Variants in KCNB2 observed in about 807,000 individuals in gnomAD.
The protein encoded by KCNB2 is potassium voltage-gated channel subfamily B member 2.
Under a neutral mutation model 61.5 loss-of-function variants are expected in KCNB2, and 15 were observed. The ratio of observed to expected loss-of-function variants is 0.24; its 90% CI spans 0.16 to 0.38. The LOEUF (loss-of-function observed/expected upper bound fraction) is 0.38. Ranked by LOEUF, KCNB2 falls within the 10% of genes least tolerant of loss-of-function variation. The probability of loss-of-function intolerance (pLI) is 1.00; values close to 1 mark genes in which losing one functional copy is unlikely to be tolerated. For synonymous variants in KCNB2, 457 were observed against 446.0 expected (o/e 1.02, Z -0.31); for missense variants, 828 against 1,125.2 (o/e 0.74, Z 3.78).
chr8:72,709,203 G>GAAAAACA (rs946704869), intron 2 of KCNB2, among the ~76,000 whole-genome samples: 49 of 152,078 alleles, frequency 3.2e-4, no homozygotes, highest in African/African-American at 1.1e-3. Context: ...TCTTCAGAAA[G>GAAAAACA]AAAAACAAAA....
intron 2 of KCNB2, among the ~76,000 whole-genome samples, chr8:72,921,825 A>G (rs1182987248): frequency 6.6e-6 from 1 of 152,168 alleles, no homozygotes; most frequent in Non-Finnish European, 1.5e-5. Flanking sequence ...TAGTTTCTCC[A>G]AATTAAACTG....
intron 2 of KCNB2, among the ~76,000 whole-genome samples, chr8:72,855,413 C>G (rs1330014959): frequency 6.6e-6 from 1 of 152,128 alleles, no homozygotes; most frequent in Non-Finnish European, 1.5e-5. Context: ...TTTCAGTCTT[C>G]TGGCCTTTCT....
chr8:72,748,928 A>G lies in KCNB2; in HGVS notation c.579+180615A>G, dbSNP rs542338842. Among the ~76,000 whole-genome samples, 3 of 152,116 alleles carry G rather than the reference A, an allele frequency of 2.0e-5. No individual in the cohort carries two copies. In the East Asian group the frequency reaches 5.8e-4, roughly 29 times the overall value. On this transcript the variant is annotated intron_variant, in intron 2 of 2. Transcript: ENST00000523207. ...CATTGCTATTAACCACAGTCACCAT[A>G]TTATTCAATAGATGTCTTGAACTTA...
chr8:72,853,965 A>C (rs1456928730), intron 2 of KCNB2, among the ~76,000 whole-genome samples: 2 of 152,194 alleles, frequency 1.3e-5, no homozygotes, highest in African/African-American at 4.8e-5. Flanking sequence ...CTCACTATCC[A>C]TGAGATGTTG....
intron 2 of KCNB2, among the ~76,000 whole-genome samples, chr8:72,688,211 T>C (rs16938325): frequency 0.027 from 4,123 of 152,308 alleles, 72 homozygotes; most frequent in South Asian, 0.073. Flanking sequence ...CTACTTGAAA[T>C]CCTTCATGGT....
intron 2 of KCNB2, among the ~76,000 whole-genome samples, chr8:72,761,438 A>T (rs937606797): frequency 6.6e-6 from 1 of 152,184 alleles, no homozygotes; most frequent in Admixed American, 6.5e-5. Context: ...TTGGGGAAAA[A>T]ACCCAGCTCT....
chr8:72,738,821 AAGTTTAAAAG>A (rs541544965), intron 2 of KCNB2, among the ~76,000 whole-genome samples: 40 of 152,318 alleles, frequency 2.6e-4, no homozygotes, highest in Admixed American at 1.2e-3. Context: ...ACCAAGAGTT[AAGTTTAAAAG>A]AGTTTTATCA....
intron 2 of KCNB2, among the ~76,000 whole-genome samples, chr8:72,774,925 C>T (rs554534168): frequency 8.4e-4 from 128 of 152,112 alleles, no homozygotes; most frequent in Non-Finnish European, 1.7e-3. Flanking sequence ...CAACCCAACC[C>T]GGTTTGCATT....
At chr8:72,861,114 A>G (rs1006610438) in intron 2 of KCNB2, among the ~76,000 whole-genome samples, 1 of 152,194 alleles carries the variant, frequency 6.6e-6, no homozygotes, top group Non-Finnish European at 1.5e-5. Flanking sequence ...ATTCATTTAT[A>G]TGTTCTCAAG....
rs1807116291 is a variant in KCNB2, at chr8:72,592,469, G to GTT, written c.579+24157_579+24158insTT. Among the ~76,000 whole-genome samples the GTT allele has an allele frequency of 2.6e-5, 4 of 151,974 alleles. No individual in the cohort carries two copies. The South Asian group carries it at 8.3e-4, about 32-fold the overall frequency. On this transcript the variant is annotated intron_variant, in intron 2 of 2. Coordinates refer to ENST00000523207, the MANE Select transcript of KCNB2 (RefSeq NM_004770.3). ...TTATCAACTCTGTGTGTGTGTGTGT[G>GTT]TGTGTGTGTAAATGGTTCATTTCTG...
At chr8:72,845,926 GC>G (rs1809983135) in intron 2 of KCNB2, among the ~76,000 whole-genome samples, 1 of 151,414 alleles carries the variant, frequency 6.6e-6, no homozygotes, top group African/African-American at 2.4e-5. Flanking sequence ...GCTGGCTTCA[GC>G]CACCTTTCCA....
intron 2 of KCNB2, among the ~76,000 whole-genome samples, chr8:72,628,638 G>A (rs1179980400): frequency 6.6e-6 from 1 of 152,142 alleles, no homozygotes; most frequent in African/African-American, 2.4e-5. Flanking sequence ...TATCTCAGGA[G>A]AACTTACGCT....
At chr8:72,935,820 C>G in intron 2 of KCNB2, 115 bp from the exon 3 acceptor site, 2 of 734,488 alleles carry the variant, frequency 2.7e-6, no homozygotes, top group Non-Finnish European at 4.6e-6. Flanking sequence ...TTCTTATAAT[C>G]TTCTTGGAAG....
chr8:72,860,985 A>T (rs10094199), intron 2 of KCNB2, among the ~76,000 whole-genome samples: 129,836 of 152,204 alleles, frequency 0.85, 56,365 homozygotes, highest in Middle Eastern at 0.97. Flanking sequence ...ACAAAATATA[A>T]AGCATACTGT....
intron 2 of KCNB2, among the ~76,000 whole-genome samples, chr8:72,689,446 A>G (rs1420733479): frequency 1.3e-5 from 2 of 152,240 alleles, no homozygotes; most frequent in African/African-American, 2.4e-5. Flanking sequence ...AAATGTATAT[A>G]TAACAATTTT....
intron 2 of KCNB2, among the ~76,000 whole-genome samples, chr8:72,747,568 T>C (rs1015977181): frequency 1.1e-4 from 17 of 152,172 alleles, no homozygotes; most frequent in African/African-American, 4.1e-4. Flanking sequence ...GAGAGGGTTC[T>C]TGGATCTCTC....
intron 2 of KCNB2, among the ~76,000 whole-genome samples, chr8:72,596,733 A>G (rs1807197456): frequency 1.3e-5 from 2 of 152,220 alleles, no homozygotes; most frequent in Admixed American, 1.3e-4. Flanking sequence ...CCATATTAAA[A>G]CAACACAAAG....
At chr8:72,566,754 T>A (rs1489589964) in intron 1 of KCNB2, among the ~76,000 whole-genome samples, 2 of 150,412 alleles carry the variant, frequency 1.3e-5, no homozygotes, top group Non-Finnish European at 3.0e-5. Flanking sequence ...TCTAGGCAAG[T>A]AAGTGATGCT....
At chr8:72,787,895 G>C (rs1230041300) in intron 2 of KCNB2, among the ~76,000 whole-genome samples, 3 of 152,080 alleles carry the variant, frequency 2.0e-5, no homozygotes, top group Non-Finnish European at 4.4e-5. Context: ...AGATAAGTCA[G>C]CTTTCCTGCA....
Sources: gnomAD v4.1 joint callset for allele counts (sites outside exome capture counted in the v4.1 genomes callset) on GRCh38, gnomAD v4.1.1 for gene constraint, MANE v1.5 for transcripts, NCBI Gene and HGNC (gene_info 2026-07-23, HGNC 2026-07-21) for gene names.